Variants in SRGAP2C observed in about 807,000 individuals in gnomAD.
SRGAP2C encodes the protein SLIT-ROBO Rho GTPase-activating protein 2C.
A neutral mutation model predicts 25.1 loss-of-function variants in SRGAP2C; 15 were observed. The ratio of observed to expected loss-of-function variants is 0.60; its 90% CI spans 0.40 to 0.92. The LOEUF (loss-of-function observed/expected upper bound fraction) is 0.92, where lower values mean the gene tolerates loss of function less well. Ranked by LOEUF, SRGAP2C falls within the 40% of genes least tolerant of loss-of-function variation. The probability of loss-of-function intolerance (pLI) is 0.00; values close to 1 mark genes in which losing one functional copy is unlikely to be tolerated. For missense variants in SRGAP2C, 144 were observed against 264.4 expected (o/e 0.54, Z 3.16); for synonymous variants, 44 against 96.6 (o/e 0.46, Z 3.19).
chr1:121,236,013 T>A (rs1399057723), intron 2 of SRGAP2C, among the ~76,000 whole-genome samples: 1 of 136,038 alleles, frequency 7.4e-6, no homozygotes, highest in Non-Finnish European at 1.6e-5. Flanking sequence ...TCAAGTTGAC[T>A]CCCATGGCCT....
intron 3 of SRGAP2C, among the ~76,000 whole-genome samples, chr1:121,287,848 G>A (rs1657409226): frequency 1.3e-5 from 2 of 152,206 alleles, no homozygotes; most frequent in South Asian, 4.2e-4. Flanking sequence ...GAGTGTTACA[G>A]CTCTTAAGGC....
chr1:121,216,633 T>G, intron 2 of SRGAP2C, among the ~76,000 whole-genome samples: 1 of 143,708 alleles, frequency 7.0e-6, no homozygotes, highest in African/African-American at 2.6e-5. Context: ...CAAAGAGCTG[T>G]GGCTGAGCTC....
At chr1:121,321,395 C>CAA (rs1401703095) in intron 3 of SRGAP2C, among the ~76,000 whole-genome samples, 1 of 99,966 alleles carries the variant, frequency 1.0e-5, no homozygotes, top group African/African-American at 4.1e-5. Flanking sequence ...TAGCACCTTG[C>CAA]AAGTTCTTTT....
At chr1:121,279,923 C>T (rs1415114373) in intron 2 of SRGAP2C, among the ~76,000 whole-genome samples, 2 of 148,976 alleles carry the variant, frequency 1.3e-5, no homozygotes, top group Non-Finnish European at 3.0e-5. Context: ...TCCGTTCCTC[C>T]TTTTGGCTCC....
intron 3 of SRGAP2C, among the ~76,000 whole-genome samples, chr1:121,306,754 A>G (rs1305639947): frequency 1.3e-5 from 2 of 151,976 alleles, no homozygotes; most frequent in Non-Finnish European, 1.5e-5. Flanking sequence ...ACGATTCTCA[A>G]AGGGATCTGG....
intron 2 of SRGAP2C, among the ~76,000 whole-genome samples, chr1:121,236,085 G>T (rs1384662788): frequency 7.1e-6 from 1 of 140,636 alleles, no homozygotes; most frequent in African/African-American, 2.7e-5. Flanking sequence ...AAAAAAAAAG[G>T]TGTTCCAGGA....
At chr1:121,301,306 G>GA (rs1395678524) in intron 3 of SRGAP2C, among the ~76,000 whole-genome samples, 1 of 87,434 alleles carries the variant, frequency 1.1e-5, no homozygotes, top group Non-Finnish European at 2.2e-5. Context: ...TACATCAGAT[G>GA]AAAAAAAGCG....
At chr1:121,345,712 C>T (rs1164419731) in intron 4 of SRGAP2C, among the ~76,000 whole-genome samples, 7 of 127,380 alleles carry the variant, frequency 5.5e-5, no homozygotes, top group East Asian at 2.4e-4. Flanking sequence ...GAGTGCAGTG[C>T]GCGATCTTGA....
intron 4 of SRGAP2C, among the ~76,000 whole-genome samples, chr1:121,346,841 A>C (rs1658757133): frequency 6.6e-6 from 1 of 151,560 alleles, no homozygotes; most frequent in South Asian, 2.1e-4. Flanking sequence ...TGTGGTTGAC[A>C]GAAGAATTTC....
intron 2 of SRGAP2C, among the ~76,000 whole-genome samples, chr1:121,202,431 C>CTTT (rs59689282): frequency 3.1e-5 from 4 of 129,306 alleles, no homozygotes; most frequent in Admixed American, 7.3e-5. Context: ...TGTATGTTGT[C>CTTT]TTTTTTTTTT....
At chr1:121,383,318 C>T (rs1553355570) in intron 8 of SRGAP2C, among the ~76,000 whole-genome samples, 1 of 149,230 alleles carries the variant, frequency 6.7e-6, no homozygotes, top group Non-Finnish European at 1.5e-5. Context: ...GGGGGGCGCT[C>T]CCAGTGGTGA....
chr1:121,272,492 G>A (rs1311649348), intron 2 of SRGAP2C, among the ~76,000 whole-genome samples: 1 of 151,658 alleles, frequency 6.6e-6, no homozygotes, highest in Non-Finnish European at 1.5e-5. Flanking sequence ...AGAAGAAATG[G>A]TAAAAAGGTG....
chr1:121,320,929 C>T (rs1378510198), intron 3 of SRGAP2C, among the ~76,000 whole-genome samples: 1 of 152,158 alleles, frequency 6.6e-6, no homozygotes, highest in South Asian at 2.1e-4. Context: ...GCCCTTGAGC[C>T]TTCTATGGCA....
At chr1:121,338,771 T>C (rs1195735147) in intron 4 of SRGAP2C, among the ~76,000 whole-genome samples, 1 of 136,086 alleles carries the variant, frequency 7.3e-6, no homozygotes, top group Non-Finnish European at 1.6e-5. Flanking sequence ...AAGTAGTTAT[T>C]AGTAAGGCCC....
intron 3 of SRGAP2C, among the ~76,000 whole-genome samples, chr1:121,296,394 A>G (rs1247853098): frequency 1.8e-5 from 2 of 112,458 alleles, no homozygotes; most frequent in Non-Finnish European, 3.5e-5. Context: ...AATTTAAATG[A>G]TATATTTATT....
intron 3 of SRGAP2C, among the ~76,000 whole-genome samples, chr1:121,291,052 A>T (rs1410135252): frequency 7.4e-6 from 1 of 134,564 alleles, no homozygotes; most frequent in African/African-American, 2.8e-5. Flanking sequence ...GGAGAGAGAC[A>T]CGAGGAAAAC....
intron 2 of SRGAP2C, among the ~76,000 whole-genome samples, chr1:121,215,936 G>A (rs1655370709): frequency 6.6e-6 from 1 of 152,130 alleles, no homozygotes; most frequent in African/African-American, 2.4e-5. Context: ...ACAGCTGTTG[G>A]CCATCCCTGG....
chr1:121,309,275 T>C (rs1174497074), intron 3 of SRGAP2C, among the ~76,000 whole-genome samples: 1 of 81,218 alleles, frequency 1.2e-5, no homozygotes, highest in Non-Finnish European at 3.1e-5. Context: ...ATCCCATTTA[T>C]TTATTTATTT....
chr1:121,322,027 TA>T (rs2101607651), intron 3 of SRGAP2C, among the ~76,000 whole-genome samples: 1 of 149,116 alleles, frequency 6.7e-6, no homozygotes, highest in Non-Finnish European at 1.5e-5. Flanking sequence ...CTAAAGCACC[TA>T]ACACCATGCC....
Sources: allele counts gnomAD v4.1 joint callset (sites outside exome capture counted in the v4.1 genomes callset), GRCh38; gene constraint gnomAD v4.1.1; transcripts MANE v1.5; gene names NCBI Gene and HGNC (gene_info 2026-07-23, HGNC 2026-07-21).